The following PRR5L variants were observed in gnomAD, a reference collection of about 807,000 sequenced individuals.
PRR5L encodes the protein proline rich 5 like, also known as proline-rich protein 5-like.
PRR5L carries 21 observed loss-of-function variants against 36.4 expected under a neutral mutation model. That is an observed-to-expected ratio of 0.58 (90% CI 0.41 to 0.83). The LOEUF is 0.83. PRR5L is among the 40% of genes least tolerant of loss of function. The probability of loss-of-function intolerance (pLI) is 0.00; values close to 1 mark genes in which losing one functional copy is unlikely to be tolerated. For missense variants in PRR5L, 381 were observed against 473.3 expected, an observed-to-expected ratio of 0.80 and a Z score of 1.81; for synonymous variants, 188 against 197.0, an observed-to-expected ratio of 0.95 and a Z score of 0.38.
chr11:36,435,994 C>T (rs1205896329), intron 5 of PRR5L, among the ~76,000 whole-genome samples: 4 of 152,284 alleles, frequency 2.6e-5, no homozygotes, highest in African/African-American at 9.6e-5. Context: ...TAAGCTGTTC[C>T]GATAAAGTGT....
intron 8 of PRR5L, among the ~76,000 whole-genome samples, chr11:36,459,818 G>A (rs780983617): frequency 6.6e-6 from 1 of 152,164 alleles, no homozygotes. Context: ...TGTACACACG[G>A]GAATAATGTA....
intron 1 of PRR5L, among the ~76,000 whole-genome samples, chr11:36,355,355 T>C (rs1007740785): frequency 6.6e-6 from 1 of 152,190 alleles, no homozygotes; most frequent in African/African-American, 2.4e-5. Flanking sequence ...TTACTGAGAA[T>C]GCAATATGTG....
chr11:36,319,220 G>T (rs1856589198), intron 1 of PRR5L, among the ~76,000 whole-genome samples: 1 of 152,214 alleles, frequency 6.6e-6, no homozygotes, highest in African/African-American at 2.4e-5. Flanking sequence ...ACCAGTGAGG[G>T]CCTGGCCCAA....
intron 1 of PRR5L, chr11:36,388,238 T>C (rs1328095651): frequency 1.3e-5 from 2 of 152,254 alleles, no homozygotes; most frequent in African/African-American, 4.8e-5. Flanking sequence ...AAATAAATGC[T>C]GAATAAATAA....
chr11:36,424,935 G>A (rs1590573140), intron 4 of PRR5L, among the ~76,000 whole-genome samples: 1 of 152,050 alleles, frequency 6.6e-6, no homozygotes, highest in African/African-American at 2.4e-5. Flanking sequence ...GATTCTCCTG[G>A]CTCAGCTTCC....
chr11:36,369,545 C>A (rs1172266098), intron 1 of PRR5L, among the ~76,000 whole-genome samples: 1 of 152,100 alleles, frequency 6.6e-6, no homozygotes. Context: ...TCTACAATCA[C>A]CAAGAAAGAC....
At chr11:36,382,026 C>T (rs565186679) in intron 1 of PRR5L, among the ~76,000 whole-genome samples, 119 of 152,204 alleles carry the variant, frequency 7.8e-4, no homozygotes, top group African/African-American at 2.8e-3. Flanking sequence ...GGCATGGTGG[C>T]GTGTGCCTGT....
At chr11:36,374,072 TCC>T (rs1857224986) in intron 1 of PRR5L, among the ~76,000 whole-genome samples, 1 of 110,400 alleles carries the variant, frequency 9.1e-6, no homozygotes, top group South Asian at 3.2e-4. Flanking sequence ...CTTCCTTCCT[TCC>T]TTCCTTCCTT....
intron 1 of PRR5L, among the ~76,000 whole-genome samples, chr11:36,371,822 G>C (rs899728916): frequency 6.6e-6 from 1 of 152,156 alleles, no homozygotes; most frequent in East Asian, 1.9e-4. Flanking sequence ...GCTTTGGGAG[G>C]CAGAGGTGGG....
intron 1 of PRR5L, among the ~76,000 whole-genome samples, chr11:36,310,007 A>G (rs773212608): frequency 0.01 from 3 of 296 alleles, no homozygotes; most frequent in Non-Finnish European, 0.062. Flanking sequence ...CACCATCACT[A>G]TTAGAGCAGA....
intron 1 of PRR5L, among the ~76,000 whole-genome samples, chr11:36,305,068 G>A (rs556566955): frequency 5.3e-5 from 8 of 152,226 alleles, no homozygotes; most frequent in Non-Finnish European, 7.4e-5. Flanking sequence ...ACAAAAATTC[G>A]TTTAGAAATG....
Position 36,462,431 on chromosome 11 carries a change from G to T in PRR5L, c.802G>T (p.Val268Phe). The T allele has an allele frequency of 6.2e-7, 1 of 1,601,286 alleles. No homozygotes were observed. Among genetic ancestry groups the T allele is most frequent in the Non-Finnish European group, 8.5e-7 (1 of 1,173,148 alleles). Residue 268 changes from valine (V) to phenylalanine (F), a missense_variant, in exon 9 of 9, where the codon GTC (valine) becomes TTC (phenylalanine). By Grantham distance (50) the Val-to-Phe change is conservative. Coordinates refer to ENST00000530639, the MANE Select transcript of PRR5L (RefSeq NM_001160167.2). The part of the protein sequence containing the change: ...TAVSRPLNEM[V>F]LTPLTEQEGE... ...AGTCAGCCGGCCACTGAATGAGATG[G>T]TCTTGACCCCACTGACAGAGCAGGA... is the stretch of plus-strand genomic sequence containing the variant.
intron 1 of PRR5L, among the ~76,000 whole-genome samples, chr11:36,399,270 AG>A (rs990325433): frequency 5.9e-5 from 9 of 152,270 alleles, no homozygotes; most frequent in Non-Finnish European, 1.2e-4. Context: ...AAGACTGTAC[AG>A]GAAAACAGGA....
chr11:36,305,915 T>C (rs1300592821), intron 1 of PRR5L, among the ~76,000 whole-genome samples: 1 of 152,248 alleles, frequency 6.6e-6, no homozygotes. Flanking sequence ...AATAAAGCTG[T>C]TATTAAGTAA....
Position 36,446,157 on chromosome 11 carries a change from T to TC in PRR5L, c.445-142dup. On this transcript the variant is annotated intron_variant, in intron 6 of 8. Transcript: ENST00000530639. ...ATTCTAGAGGAGCCAGGTCTTTGGC[T>TC]CTTTGAAAGACACACTGGCCCTTGC... The TC allele has an allele frequency of 5.2e-5, 45 of 861,624 alleles. 1 individual carries two copies. In the South Asian group the frequency reaches 8.0e-4, roughly 15 times the overall value. 53.4% of individuals were successfully genotyped at this position (861,624 alleles called of 1,614,324 possible).
Position 36,446,315 on chromosome 11 carries a change from A to C in PRR5L, c.460A>C (p.Ile154Leu), listed in dbSNP as rs772297667. The change falls in exon 7 of 9, where the codon ATC (isoleucine) becomes CTC (leucine). Residue 154 changes from isoleucine (I) to leucine (L), a missense_variant. Ile to Leu is a conservative substitution (Grantham distance 5, BLOSUM62 2). Coordinates refer to ENST00000530639, the MANE Select transcript of PRR5L (RefSeq NM_001160167.2). ...FYPVQGQELT[I>L]RQISLLGFRD... ...TCCCCTCTAGGGCCAGGAGCTGACT[A>C]TCCGCCAGATCTCCCTGCTGGGCTT... 25 of 1,613,814 alleles carry C rather than the reference A, an allele frequency of 1.5e-5. No individual in the cohort carries two copies. Among genetic ancestry groups the C allele is most frequent in the African/African-American group, 2.7e-5 (2 of 74,906 alleles).
intron 3 of PRR5L, among the ~76,000 whole-genome samples, chr11:36,410,992 G>A (rs1287556557): frequency 6.6e-6 from 1 of 152,214 alleles, no homozygotes; most frequent in Non-Finnish European, 1.5e-5. Context: ...CAGAGAACTT[G>A]GGGCAAACCC....
At chr11:36,436,656 T>A (rs1858611018) in intron 5 of PRR5L, among the ~76,000 whole-genome samples, 1 of 152,226 alleles carries the variant, frequency 6.6e-6, no homozygotes, top group Admixed American at 6.5e-5. Flanking sequence ...AAAGCCAATA[T>A]CTTAATGAGT....
chr11:36,397,067 CTTTTTTT>C (rs11300346), intron 1 of PRR5L, among the ~76,000 whole-genome samples: 1 of 130,646 alleles, frequency 7.7e-6, no homozygotes, highest in Non-Finnish European at 1.6e-5. Flanking sequence ...GTTTTCTTTT[CTTTTTTT>C]TTTTTTTTTT....
Sources: gnomAD v4.1 joint callset for allele counts (sites outside exome capture counted in the v4.1 genomes callset) on GRCh38, gnomAD v4.1.1 for gene constraint, MANE v1.5 for transcripts, NCBI Gene and HGNC (gene_info 2026-07-23, HGNC 2026-07-21) for gene names.